Variants in VPS13D observed in about 807,000 individuals in gnomAD.
VPS13D encodes the protein vacuolar protein sorting 13 homolog D, also known as intermembrane lipid transfer protein VPS13D.
Under a neutral mutation model 461.9 loss-of-function variants are expected in VPS13D, and 187 were observed. The ratio of observed to expected loss-of-function variants is 0.40; its 90% CI spans 0.36 to 0.46. The LOEUF (loss-of-function observed/expected upper bound fraction) is 0.46, where lower values mean the gene tolerates loss of function less well. VPS13D is among the 20% of genes least tolerant of loss of function. The pLI is 0.60. For synonymous variants in VPS13D, 1,951 were observed against 1,986.3 expected, an observed-to-expected ratio of 0.98 and a Z score of 0.47; for missense variants, 4,711 against 5,364.9, an observed-to-expected ratio of 0.88 and a Z score of 3.81.
chr1:12,379,361 C>T, intron 56 of VPS13D, 127 bp from the exon 57 acceptor site: 1 of 750,376 alleles, frequency 1.3e-6, no homozygotes, highest in Non-Finnish European at 2.1e-6. Context: ...AAGCTAACTA[C>T]CCATTCAGTT....
In VPS13D at chr1:12,260,748, G is replaced by T. The variant is rs149554788; in HGVS notation, c.1166G>T (p.Arg389Leu). The T allele has an allele frequency of 1.9e-6, 3 of 1,614,188 alleles. No individual in the cohort carries two copies. Among genetic ancestry groups the T allele is most frequent in the Admixed American group, 1.7e-5 (1 of 60,018 alleles). The change falls in exon 11 of 70, where the codon CGT (arginine) becomes CTT (leucine). Residue 389 changes from arginine (R) to leucine (L), a missense_variant. By Grantham distance (102) the Arg-to-Leu change is moderately radical (BLOSUM62 -2). Coordinates refer to ENST00000620676, the MANE Select transcript of VPS13D (RefSeq NM_015378.4). ...EQSFEELKIL[R>L]ELVHDRFHKQ... ...AGCTTTGAGGAATTGAAGATTTTGC[G>T]TGAACTGGTTCATGATCGATTTCAC...
chr1:12,497,731 C>G lies in VPS13D; in HGVS notation c.12794+100C>G, dbSNP rs755151849. On this transcript the variant is annotated intron_variant, in intron 68 of 69. Transcript: ENST00000620676. The stretch of plus-strand genomic sequence containing the variant: ...TCTGATCTGAGTTATTTTCATGACT[C>G]TTGGACCTTAGATCTGGTCAAAGAA... 6.0e-5 allele frequency: 85 copies of G among 1,407,180 alleles called. 1 individual carries two copies. The highest frequency in any genetic ancestry group is 7.8e-5 in the Non-Finnish European group (82 of 1,057,534). 87.2% of individuals were successfully genotyped at this position (1,407,180 alleles called of 1,614,324 possible). A position where few individuals can be genotyped will look rare whatever the true frequency, so the allele number is the denominator to read the frequency against.
At chr1:12,317,699 C>G (rs931068066) in intron 30 of VPS13D, among the ~76,000 whole-genome samples, 1 of 151,854 alleles carries the variant, frequency 6.6e-6, no homozygotes, top group African/African-American at 2.4e-5. Flanking sequence ...GAGCTGTGAT[C>G]GTGCCACTGC....
At chr1:12,382,821 G>T (rs767786380) in intron 57 of VPS13D, among the ~76,000 whole-genome samples, 155 bp from the exon 58 acceptor site, 1 of 152,150 alleles carries the variant, frequency 6.6e-6, no homozygotes, top group Non-Finnish European at 1.5e-5. Context: ...TTCATCATCT[G>T]CAAAGCTGAA....
chr1:12,341,674 G>GC, intron 40 of VPS13D, 106 bp from the exon 41 acceptor site: 2 of 912,832 alleles, frequency 2.2e-6, no homozygotes, highest in South Asian at 3.2e-5. Context: ...TCCACCTTCA[G>GC]CCCCTTTGCA....
intron 5 of VPS13D, 52 bp from the exon 6 acceptor site, chr1:12,249,171 G>A: frequency 1.4e-6 from 2 of 1,395,910 alleles, no homozygotes; most frequent in Non-Finnish European, 2.0e-6. Context: ...TCTTTTCTTT[G>A]GAACACTATT....
At chr1:12,496,018 C>G (rs529618214) in intron 67 of VPS13D, among the ~76,000 whole-genome samples, 30 of 152,292 alleles carry the variant, frequency 2.0e-4, no homozygotes, top group African/African-American at 7.0e-4. Flanking sequence ...TCCCCACTTT[C>G]GATCGATATT....
At chr1:12,234,730 A>G (rs530019332) in intron 2 of VPS13D, among the ~76,000 whole-genome samples, 2 of 152,356 alleles carry the variant, frequency 1.3e-5, no homozygotes, top group East Asian at 3.9e-4. Context: ...CTATGTGAAC[A>G]ATAGCTCATA....
At position 12,262,035 on chromosome 1, in the gene VPS13D, A is replaced by G. The variant is rs1312761422; in HGVS notation, c.1549A>G (p.Thr517Ala). The G allele has an allele frequency of 6.2e-7, 1 of 1,613,516 alleles. No individual in the cohort carries two copies. Among genetic ancestry groups the G allele is most frequent in the Non-Finnish European group, 8.5e-7 (1 of 1,179,744 alleles). Residue 517 changes from threonine (T) to alanine (A), a missense_variant, in exon 13 of 70, where the codon ACT (threonine) becomes GCT (alanine). By Grantham distance (58) the Thr-to-Ala change is moderately conservative (BLOSUM62 0). Transcript: ENST00000620676. ...TVTLLHKEQG[T>A]PQMNESAFMQ... Reference sequence around the variant, plus strand: ...GACTCTGTTACACAAGGAGCAAGGAACTCCTCAAATGAATGAAAGTGCTTT... The same window carrying G: ...GACTCTGTTACACAAGGAGCAAGGAGCTCCTCAAATGAATGAAAGTGCTTT...
intron 68 of VPS13D, among the ~76,000 whole-genome samples, chr1:12,503,254 C>T (rs1459800125): frequency 2.0e-5 from 3 of 152,296 alleles, no homozygotes; most frequent in Non-Finnish European, 2.9e-5. Flanking sequence ...GCAGCCTTCC[C>T]TTCTCTCAGA....
chr1:12,401,702 C>A lies in VPS13D; in HGVS notation c.11879C>A (p.Ser3960Ter). ...TTCTTTGGCTACGATCAAGCAGAAT[C>A]AGGTAATGTTGAATGTTCTATGTCT... ...LSFFGYDQAE[S>*]EVEKYDENLH... The change falls in exon 62 of 70, where the codon TCA (serine) becomes TAA (stop). Residue 3960 changes from serine (S) to a stop codon, truncating the protein, a stop_gained and splice_region_variant. Transcript: ENST00000620676. LOFTEE classifies it high-confidence loss of function. 6.2e-7 allele frequency: 1 copy of A among 1,612,174 alleles called. No individual in the cohort carries two copies. Among genetic ancestry groups the A allele is most frequent in the South Asian group, 1.1e-5 (1 of 90,948 alleles).
At chr1:12,253,880 T>TA in intron 7 of VPS13D, 54 bp downstream of exon 7, 2 of 1,441,462 alleles carry the variant, frequency 1.4e-6, no homozygotes, top group Non-Finnish European at 1.9e-6. Context: ...GGAAGCGGCG[T>TA]AGGGTCACTG....
chr1:12,395,091 C>T (rs1372263105), intron 60 of VPS13D, among the ~76,000 whole-genome samples: 2 of 151,784 alleles, frequency 1.3e-5, no homozygotes, highest in African/African-American at 2.4e-5. Context: ...TAGAAGCAAA[C>T]AGGGGTGTTG....
chr1:12,248,982 A>T (rs1640646083), intron 5 of VPS13D, among the ~76,000 whole-genome samples: 1 of 152,176 alleles, frequency 6.6e-6, no homozygotes, highest in Non-Finnish European at 1.5e-5. Flanking sequence ...ATAACATATT[A>T]TAACATAACA....
chr1:12,405,016 T>G (rs943223559), intron 63 of VPS13D, among the ~76,000 whole-genome samples: 3 of 152,244 alleles, frequency 2.0e-5, no homozygotes, highest in African/African-American at 7.2e-5. Flanking sequence ...ATAGTCATCT[T>G]GCTGCGCAGA....
chr1:12,340,227 T>C (rs1433754042), intron 40 of VPS13D, among the ~76,000 whole-genome samples: 1 of 152,126 alleles, frequency 6.6e-6, no homozygotes, highest in African/African-American at 2.4e-5. Flanking sequence ...AGTAAGGCCA[T>C]TGGGGTGAGA....
Position 12,369,527 on chromosome 1 carries a change from C to T in VPS13D, c.10633C>T (p.Pro3545Ser). Residue 3545 changes from proline to serine, a missense_variant, in exon 54 of 70, where the codon CCC (proline) becomes TCC (serine). This residue lies in a region of VPS13D where 4,411 missense variants were observed against 4,937.8 expected (regional missense o/e 0.89). Coordinates refer to ENST00000620676, the MANE Select transcript of VPS13D (RefSeq NM_015378.4). ...AEPRLRTEVK[P>S]MTSLDYAWDE... Reference sequence around the variant, plus strand: ...ACCCAGGCTCCGGACTGAAGTGAAGCCCATGACTTCATTGGATTATGCCTG... The same window carrying T: ...ACCCAGGCTCCGGACTGAAGTGAAGTCCATGACTTCATTGGATTATGCCTG... 1 of 1,614,164 alleles carries T rather than the reference C, an allele frequency of 6.2e-7. No homozygotes were observed. Among genetic ancestry groups the T allele is most frequent in the Non-Finnish European group, 8.5e-7 (1 of 1,180,040 alleles).
intron 68 of VPS13D, among the ~76,000 whole-genome samples, chr1:12,498,658 G>A (rs2100545629): frequency 6.6e-6 from 1 of 152,202 alleles, no homozygotes; most frequent in Non-Finnish European, 1.5e-5. Flanking sequence ...TGATAGGCTG[G>A]GCAGCTTAAG....
intron 65 of VPS13D, among the ~76,000 whole-genome samples, chr1:12,425,935 T>C (rs750755666): frequency 3.3e-5 from 5 of 152,230 alleles, no homozygotes; most frequent in Non-Finnish European, 5.9e-5. Flanking sequence ...AGCAAAACCA[T>C]GAGCCGTTGG....
Sources: allele counts gnomAD v4.1 joint callset (sites outside exome capture counted in the v4.1 genomes callset), GRCh38; gene constraint gnomAD v4.1.1; regional missense constraint gnomAD v4.1.1; transcripts MANE v1.5; gene names NCBI Gene and HGNC (gene_info 2026-07-23, HGNC 2026-07-21).